Variants in RNF144B observed in about 807,000 individuals in gnomAD.
RNF144B encodes ring finger protein 144B.
A neutral mutation model predicts 40.2 loss-of-function variants in RNF144B; 25 were observed. The observed-to-expected ratio is 0.62, with a 90% CI of 0.45 to 0.87. The LOEUF (loss-of-function observed/expected upper bound fraction) is 0.87. Among genes scored for constraint, RNF144B ranks in the 40% least tolerant of loss-of-function variants. RNF144B has a pLI of 0.00. For missense variants in RNF144B, 365 were observed against 373.7 expected (o/e 0.98, Z 0.19); for synonymous variants, 145 against 136.3 (o/e 1.06, Z -0.44).
intron 3 of RNF144B, among the ~76,000 whole-genome samples, chr6:18,429,181 G>C (rs1354988498): frequency 6.6e-6 from 1 of 152,084 alleles, no homozygotes; most frequent in Non-Finnish European, 1.5e-5. Flanking sequence ...CTGGGCAATA[G>C]AGTGAGATTT....
chr6:18,411,483 ATATATATATATATATTTTTT>A (rs1239948453), intron 2 of RNF144B, among the ~76,000 whole-genome samples: 14 of 25,672 alleles, frequency 5.5e-4, no homozygotes, highest in Non-Finnish European at 1.0e-3. Flanking sequence ...ATATATATAT[ATATATATATATATATTTTTT>A]TTTTTTTTTT....
In RNF144B at chr6:18,407,289, C is replaced by T. The variant is rs139406225; in HGVS notation, c.165+7590C>T. 4.3e-4 allele frequency among the ~76,000 whole-genome samples: 65 copies of T among 152,198 alleles called. No individual in the cohort carries two copies. In the East Asian group the frequency reaches 5.4e-3, roughly 13 times the overall value. ...GCAAGAAGACTACTTAGAAGGCAAA[C>T]GTAATAATCCAGGCCAGAGATGATA... On this transcript the variant is annotated intron_variant, in intron 2 of 7. Coordinates refer to ENST00000259939, the MANE Select transcript of RNF144B (RefSeq NM_182757.4).
chr6:18,452,129 T>C (rs1452954909), intron 4 of RNF144B, among the ~76,000 whole-genome samples: 1 of 152,228 alleles, frequency 6.6e-6, no homozygotes, highest in Non-Finnish European at 1.5e-5. Flanking sequence ...TATTAGTATG[T>C]GCATTATAAG....
rs1405924695 is a variant in RNF144B, at chr6:18,456,396, C to G, written c.332-759C>G. ...AATTTCCTGGGAATGTGGAAGAAACCTCACTATCTGTTTCTCAGTGCCTGA... is the reference window on the plus strand; with the variant it reads ...AATTTCCTGGGAATGTGGAAGAAACGTCACTATCTGTTTCTCAGTGCCTGA... On this transcript the variant is annotated intron_variant, in intron 4 of 7. Coordinates refer to ENST00000259939, the MANE Select transcript of RNF144B (RefSeq NM_182757.4). The surrounding 1 kb of genome is among the most constrained non-coding windows in gnomAD (Gnocchi z 4.7). Among the ~76,000 whole-genome samples, 1 of 152,166 alleles carries G rather than the reference C, an allele frequency of 6.6e-6. No homozygotes were observed. Among genetic ancestry groups the G allele is most frequent in the South Asian group, 2.1e-4 (1 of 4,830 alleles).
At chr6:18,431,006 G>A (rs997813514) in intron 3 of RNF144B, among the ~76,000 whole-genome samples, 1 of 152,066 alleles carries the variant, frequency 6.6e-6, no homozygotes, top group Non-Finnish European at 1.5e-5. Context: ...ACTTTGGGAG[G>A]CTGAGGTGGG....
intron 4 of RNF144B, among the ~76,000 whole-genome samples, chr6:18,451,376 T>C (rs1482033315): frequency 6.6e-6 from 1 of 152,198 alleles, no homozygotes; most frequent in Non-Finnish European, 1.5e-5. Context: ...GGAGAAGTTA[T>C]TTGGAATAAT....
intron 2 of RNF144B, 22 bp downstream of exon 2, chr6:18,399,721 C>T (rs768578877): frequency 4.4e-5 from 69 of 1,578,686 alleles, no homozygotes; most frequent in Admixed American, 8.5e-5. Context: ...TTGATGCTTT[C>T]ACTATGAGAA....
chr6:18,449,585 A>G (rs1266830598), intron 4 of RNF144B, among the ~76,000 whole-genome samples: 1 of 152,008 alleles, frequency 6.6e-6, no homozygotes, highest in Non-Finnish European at 1.5e-5. Flanking sequence ...TTTGTATTGC[A>G]TGTATATTTA....
chr6:18,446,840 GGTGTGTGTGTGTGTGTGTGTGTGT>G lies in RNF144B; in HGVS notation c.331+7107_331+7130del. Among the ~76,000 whole-genome samples, 1 of 148,000 alleles carries G rather than the reference GGTGTGTGTGTGTGTGTGTGTGTGT, an allele frequency of 6.8e-6. No homozygotes were observed. The highest frequency in any genetic ancestry group is 2.0e-4 in the East Asian group (1 of 4,940). On this transcript the variant is annotated intron_variant, in intron 4 of 7. Transcript: ENST00000259939. The surrounding 1 kb of genome is among the most constrained non-coding windows in gnomAD (Gnocchi z 4.7). ...TAAAGTTTTATTGGTTCTATTTTAG[GGTGTGTGTGTGTGTGTGTGTGTGT>G]GTGTGTGTGTCTGTGTGTGTGTTGT... is the stretch of plus-strand genomic sequence containing the variant.
chr6:18,453,139 T>TG (rs1759248015), intron 4 of RNF144B, among the ~76,000 whole-genome samples: 1 of 75,138 alleles, frequency 1.3e-5, no homozygotes, highest in African/African-American at 3.2e-5. Flanking sequence ...TCTGTCTGCT[T>TG]TTTTTTTTTT....
At chr6:18,431,264 T>G (rs958751310) in intron 3 of RNF144B, among the ~76,000 whole-genome samples, 1 of 152,038 alleles carries the variant, frequency 6.6e-6, no homozygotes, top group Non-Finnish European at 1.5e-5. Flanking sequence ...AATCAAATGT[T>G]CTCTATCAAC....
rs928991393 is a variant in RNF144B at position 18,467,013 on chromosome 6, A to G, written c.*1946A>G. 6.7e-6 allele frequency: 1 copy of G among 148,182 alleles called. No individual in the cohort carries two copies. The highest frequency in any genetic ancestry group is 1.5e-5 in the Non-Finnish European group (1 of 66,006). 9.2% of individuals were successfully genotyped at this position (148,182 alleles called of 1,614,324 possible). On this transcript the variant is annotated 3_prime_UTR_variant, in exon 8 of 8. Coordinates refer to ENST00000259939, the MANE Select transcript of RNF144B (RefSeq NM_182757.4). The stretch of plus-strand genomic sequence containing the variant: ...TCTAAACACTTCAGAAAAAAACACT[A>G]TCAGTGTAGTTCATGTTAGTATAAT...
In RNF144B at chr6:18,466,183, TG is replaced by T. The variant is rs1697545946; in HGVS notation, c.*1118del. On this transcript the variant is annotated 3_prime_UTR_variant, in exon 8 of 8. Coordinates refer to ENST00000259939, the MANE Select transcript of RNF144B (RefSeq NM_182757.4). Reference sequence around the variant, plus strand: ...TTTTGCATATTATATATGTGAATTTTGGTTGTAAGTTCATAACTTACCCAAG... The same window carrying T: ...TTTTGCATATTATATATGTGAATTTTGTTGTAAGTTCATAACTTACCCAAG... 6.6e-6 allele frequency: 1 copy of T among 152,280 alleles called. No individual in the cohort carries two copies. Among genetic ancestry groups the T allele is most frequent in the Non-Finnish European group, 1.5e-5 (1 of 68,052 alleles). The allele number at this position is 152,280 out of a possible 1,614,324, so 9.4% of individuals were successfully genotyped here. A position where few individuals can be genotyped will look rare whatever the true frequency, so the allele number is the denominator to read the frequency against.
chr6:18,398,121 A>T lies in RNF144B; in HGVS notation c.-36-1378A>T, dbSNP rs952991570. On this transcript the variant is annotated intron_variant, in intron 1 of 7. Transcript: ENST00000259939. The surrounding 1 kb of genome is among the most constrained non-coding windows in gnomAD (Gnocchi z 5.0). ...GAGACCCTTTCTCTAGGAAAAAAAA[A>T]CCCCACAAACAGTAACTCTTCATTT... Among the ~76,000 whole-genome samples, 3 of 151,718 alleles carry T rather than the reference A, an allele frequency of 2.0e-5. No individual in the cohort carries two copies. The East Asian group carries it at 5.8e-4, about 29-fold the overall frequency.
rs1048791234 is a variant in RNF144B at position 18,443,614 on chromosome 6, C to T, written c.331+3870C>T. Among the ~76,000 whole-genome samples the T allele has an allele frequency of 1.3e-5, 2 of 151,836 alleles. No homozygotes were observed. The highest frequency in any genetic ancestry group is 2.1e-4 in the South Asian group (1 of 4,818). ...AATCGTGTAATTCTTCATTACCATC[C>T]GTTATAATTATTATTGGAAAATGGA... On this transcript the variant is annotated intron_variant, in intron 4 of 7. Coordinates refer to ENST00000259939, the MANE Select transcript of RNF144B (RefSeq NM_182757.4). The surrounding 1 kb of genome is among the most constrained non-coding windows in gnomAD (Gnocchi z 4.7).
intron 1 of RNF144B, among the ~76,000 whole-genome samples, chr6:18,397,637 G>C (rs928158069): frequency 3.3e-5 from 5 of 152,144 alleles, no homozygotes; most frequent in African/African-American, 1.2e-4. Flanking sequence ...TGGTCATGCT[G>C]TGTGGGGAGA....
chr6:18,443,212 G>T lies in RNF144B; in HGVS notation c.331+3468G>T, dbSNP rs1156887656. ...TTTTGATTTAACCTCCTCATTTTAT[G>T]AAAAACGTAACAGGCCCAGAGGCAA... On this transcript the variant is annotated intron_variant, in intron 4 of 7. Transcript: ENST00000259939. The surrounding 1 kb of genome is among the most constrained non-coding windows in gnomAD (Gnocchi z 4.7). 6.6e-6 allele frequency among the ~76,000 whole-genome samples: 1 copy of T among 152,080 alleles called. No homozygotes were observed. Among genetic ancestry groups the T allele is most frequent in the Admixed American group, 6.6e-5 (1 of 15,260 alleles).
intron 2 of RNF144B, among the ~76,000 whole-genome samples, chr6:18,423,203 C>T (rs1214755632): frequency 6.6e-6 from 1 of 152,096 alleles, no homozygotes; most frequent in Non-Finnish European, 1.5e-5. Context: ...GCAGCTTAGA[C>T]AGGTGATATT....
In RNF144B at chr6:18,447,853, T is replaced by A. The variant is rs1324575; in HGVS notation, c.331+8109T>A. Among the ~76,000 whole-genome samples, 19,005 of 152,098 alleles carry A rather than the reference T, an allele frequency of 0.12. 1,366 individuals are homozygous for A. Among genetic ancestry groups the A allele is most frequent in the Admixed American group, 0.19 (2,943 of 15,260 alleles). ...TTCAGGACTGAGCCCTGGGACACTA[T>A]AGGTTTTAGAAGAGGTGGATCTGGC... On this transcript the variant is annotated intron_variant, in intron 4 of 7. Transcript: ENST00000259939. This position sits in a 1 kb window ranked among gnomAD's most constrained non-coding sequence, Gnocchi z 5.6.
Sources: allele counts gnomAD v4.1 joint callset (sites outside exome capture counted in the v4.1 genomes callset), GRCh38; gene constraint gnomAD v4.1.1; non-coding constraint Gnocchi (gnomAD v3.1); transcripts MANE v1.5; gene names NCBI Gene and HGNC (gene_info 2026-07-23, HGNC 2026-07-21).